Variants in GGN observed in about 807,000 individuals in gnomAD.
The protein encoded by GGN is gametogenetin.
Under a neutral mutation model 35.5 loss-of-function variants are expected in GGN, and 27 were observed. That is an observed-to-expected ratio of 0.76 (90% CI 0.56 to 1.05). The LOEUF (loss-of-function observed/expected upper bound fraction) is 1.05. Among genes scored for constraint, GGN ranks in the 50% least tolerant of loss-of-function variants. GGN has a pLI of 0.00. For synonymous variants in GGN, 425 were observed against 444.1 expected, an observed-to-expected ratio of 0.96 and a Z score of 0.54; for missense variants, 1,006 against 940.7, an observed-to-expected ratio of 1.07 and a Z score of -0.91.
In GGN at chr19:38,386,062, A is replaced by C; in HGVS notation, c.1200T>G (p.Ala400=). The change falls in exon 3 of 4, where the codon GCT becomes GCG. Residue 400 remains alanine (A), a synonymous_variant. Transcript: ENST00000334928. ...PPPPPEQIHS[A]PGPRRPAPAL... ...CAGGTGCGGGCCTCCGGGGCCCGGG[A>C]GCTGAGTGTATCTGCTCTGGTGGTG... The C allele has an allele frequency of 6.3e-7, 1 of 1,592,434 alleles. No individual in the cohort carries two copies. The highest frequency in any genetic ancestry group is 8.5e-7 in the Non-Finnish European group (1 of 1,170,762).
rs1568391009 is a variant in GGN, at chr19:38,386,036, G to T, written c.1226C>A (p.Ala409Asp). The T allele has an allele frequency of 2.5e-6, 4 of 1,602,328 alleles. No homozygotes were observed. In the South Asian group the frequency reaches 3.3e-5, roughly 13 times the overall value. Residue 409 changes from alanine to aspartate, a missense_variant, in exon 3 of 4, where the codon GCC becomes GAC. Physicochemically the swap from Ala to Asp is moderately radical, Grantham distance 126. Transcript: ENST00000334928. ...SAPGPRRPAP[A>D]LLAPPTFIFP... The stretch of plus-strand genomic sequence containing the variant: ...GATGAACGTAGGCGGCGCCAGCAGG[G>T]CAGGTGCGGGCCTCCGGGGCCCGGG...
At position 38,386,714 on chromosome 19, in the gene GGN, G is replaced by A; in HGVS notation, c.548C>T (p.Pro183Leu). ...PPPPLPSERQ[P>L]ADRRITPALA... ...AGCAGGAGTGATTCTGCGGTCCGCC[G>A]GCTGCCGTTCAGAAGGTAATGGTGG... is the stretch of plus-strand genomic sequence containing the variant. The change falls in exon 3 of 4, where the codon CCG (proline) becomes CTG (leucine). Residue 183 changes from proline to leucine, a missense_variant. By Grantham distance (98) the Pro-to-Leu change is moderately conservative. Transcript: ENST00000334928. 3.1e-6 allele frequency: 5 copies of A among 1,606,774 alleles called. No individual in the cohort carries two copies. Among genetic ancestry groups the A allele is most frequent in the Non-Finnish European group, 4.3e-6 (5 of 1,175,398 alleles).
At position 38,385,777 on chromosome 19, in the gene GGN, G is replaced by T; in HGVS notation, c.1485C>A (p.Ala495=). Residue 495 remains alanine (A), a synonymous_variant, in exon 3 of 4, where the codon GCC becomes GCA. Coordinates refer to ENST00000334928, the MANE Select transcript of GGN (RefSeq NM_152657.4). The part of the protein sequence containing the change: ...PPALAADQAP[A]PSPAPAPTVA... ...CGGTGGGAGCTGGAGCCGGGGATGG[G>T]GCCGGGGCCTGGTCGGCGGCTAAGG... 1 of 1,568,398 alleles carries T rather than the reference G, an allele frequency of 6.4e-7. No individual in the cohort carries two copies.
At chr19:38,388,340 G>A, upstream of GGN, 2 of 395,374 alleles carry the variant, frequency 5.1e-6, no homozygotes, top group Non-Finnish European at 8.9e-6. Flanking sequence ...CTTATACCCA[G>A]GCCCTCCAAC....
At chr19:38,384,673 G>A (rs1172557613) in intron 3 of GGN, 144 bp from the exon 4 acceptor site, 1 of 631,832 alleles carries the variant, frequency 1.6e-6, no homozygotes, top group East Asian at 2.8e-5. Context: ...GCAGGGCTGT[G>A]GCCACTTAAT....
chr19:38,387,313 C>G lies in GGN; in HGVS notation c.-19-33G>C. On this transcript the variant is annotated intron_variant, in intron 2 of 3. Coordinates refer to ENST00000334928, the MANE Select transcript of GGN (RefSeq NM_152657.4). This position sits in a 1 kb window ranked among gnomAD's most constrained non-coding sequence, Gnocchi z 5.3. ...GAAAAATTTACTCCAGTCAGCCTGC[C>G]AGGGCCGTGGGGACCCTACGAGGCT... The G allele has an allele frequency of 4.0e-6, 6 of 1,517,340 alleles. No homozygotes were observed. The highest frequency in any genetic ancestry group is 4.4e-6 in the Non-Finnish European group (5 of 1,135,486). 94.0% of individuals were successfully genotyped at this position (1,517,340 alleles called of 1,614,324 possible). A position where few individuals can be genotyped will look rare whatever the true frequency, so the allele number is the denominator to read the frequency against.
chr19:38,384,813 G>A (rs1970681702), intron 3 of GGN, among the ~76,000 whole-genome samples: 1 of 152,136 alleles, frequency 6.6e-6, no homozygotes, highest in Non-Finnish European at 1.5e-5. Context: ...ATTCAGTGTG[G>A]GTAGGGGGTG....
At position 38,386,996 on chromosome 19, in the gene GGN, T is replaced by TC; in HGVS notation, c.265dup (p.Glu89GlyfsTer22). The TC allele has an allele frequency of 6.5e-7, 1 of 1,537,612 alleles. No individual in the cohort carries two copies. The highest frequency in any genetic ancestry group is 8.8e-7 in the Non-Finnish European group (1 of 1,141,848). ...GGGTGGTGCAGAGACCGCGGCCGCC[T>TC]CTTCAGGAGGGGGCATCACTGGAGA... On this transcript the variant is annotated frameshift_variant, in exon 3 of 4. Coordinates refer to ENST00000334928, the MANE Select transcript of GGN (RefSeq NM_152657.4). LOFTEE classifies it high-confidence loss of function.
rs749529194 is a variant in GGN at position 38,386,670 on chromosome 19, G to A, written c.592C>T (p.Pro198Ser). The change falls in exon 3 of 4, where the codon CCC (proline) becomes TCC (serine). Residue 198 changes from proline (P) to serine (S), a missense_variant. Transcript: ENST00000334928. The part of the protein sequence containing the change: ...ITPALATPAS[P>S]PTESQAGPRN... ...GGCCCAGCCTGGCTTTCTGTCGGGG[G>A]TGAGGCGGGTGTGGCCAGAGCAGGA... 1.2e-5 allele frequency: 20 copies of A among 1,610,866 alleles called. No homozygotes were observed. Among genetic ancestry groups the A allele is most frequent in the Non-Finnish European group, 1.5e-5 (18 of 1,178,420 alleles).
rs767701724 is a variant in GGN, at chr19:38,386,986, C to T, written c.276G>A (p.Ala92=). Residue 92 remains alanine, a synonymous_variant, in exon 3 of 4, where the codon GCG becomes GCA. Transcript: ENST00000334928. ...CGGGGGCCGGGGGTGGTGCAGAGAC[C>T]GCGGCCGCCTCTTCAGGAGGGGGCA... The part of the protein sequence containing the change: ...PVMPPPEEAA[A]VSAPPPAPAG... 6.5e-7 allele frequency: 1 copy of T among 1,536,148 alleles called. No homozygotes were observed. The highest frequency in any genetic ancestry group is 8.8e-7 in the Non-Finnish European group (1 of 1,141,152).
rs1171357726 is a variant in GGN, at chr19:38,385,908, G to A, written c.1354C>T (p.Pro452Ser). 3.8e-6 allele frequency: 6 copies of A among 1,565,756 alleles called. No individual in the cohort carries two copies. The highest frequency in any genetic ancestry group is 5.2e-6 in the Non-Finnish European group (6 of 1,157,506). The change falls in exon 3 of 4, where the codon CCA (proline) becomes TCA (serine). Residue 452 changes from proline to serine, a missense_variant. Coordinates refer to ENST00000334928, the MANE Select transcript of GGN (RefSeq NM_152657.4). ...GGCAGCGGCGTTGGCTGGAGCGCTG[G>A]TGGCTGCAGTGTGGGCGGCGGTGTG... ...PPTPPPTLQP[P>S]ALQPTPLPVA...
In GGN at chr19:38,385,650, T is replaced by TCGCGCCCCGGGC. The variant is rs1568390392; in HGVS notation, c.1600_1611dup (p.Ala534_Ala537dup). ...TCTCCATGCAAGCCATCCTTACGGGTCGCGCCCCGGGCTGCACGGGAACCC... is the reference window on the plus strand; with the variant it reads ...TCTCCATGCAAGCCATCCTTACGGGTCGCGCCCCGGGCCGCGCCCCGGGCTGCACGGGAACCC... On this transcript the variant is annotated inframe_insertion, in exon 3 of 4. Coordinates refer to ENST00000334928, the MANE Select transcript of GGN (RefSeq NM_152657.4). The TCGCGCCCCGGGC allele has an allele frequency of 6.2e-7, 1 of 1,613,914 alleles. No individual in the cohort carries two copies. Among genetic ancestry groups the TCGCGCCCCGGGC allele is most frequent in the Non-Finnish European group, 8.5e-7 (1 of 1,179,978 alleles).
Position 38,385,877 on chromosome 19 carries a change from G to A in GGN, c.1385C>T (p.Ala462Val), listed in dbSNP as rs1303276929. The A allele has an allele frequency of 6.5e-7, 1 of 1,548,386 alleles. No individual in the cohort carries two copies. Among genetic ancestry groups the A allele is most frequent in the Non-Finnish European group, 8.7e-7 (1 of 1,149,518 alleles). The change falls in exon 3 of 4, where the codon GCT (alanine) becomes GTT (valine). Residue 462 changes from alanine to valine, a missense_variant. Physicochemically the swap from Ala to Val is moderately conservative, Grantham distance 64. Coordinates refer to ENST00000334928, the MANE Select transcript of GGN (RefSeq NM_152657.4). ...GCCCAGACCCGGGGTGAGCGGGGGA[G>A]CCACCGGCAGCGGCGTTGGCTGGAG... ...PALQPTPLPV[A>V]PPLTPGLGHK...
At chr19:38,384,627 G>C in intron 3 of GGN, 98 bp from the exon 4 acceptor site, 1 of 873,532 alleles carries the variant, frequency 1.1e-6, no homozygotes, top group Non-Finnish European at 1.9e-6. Context: ...GGAAGCTTCT[G>C]AAGGCTATAT....
Position 38,387,336 on chromosome 19 carries a change from G to T in GGN, c.-19-56C>A, listed in dbSNP as rs1260232676. On this transcript the variant is annotated intron_variant, in intron 2 of 3. Coordinates refer to ENST00000334928, the MANE Select transcript of GGN (RefSeq NM_152657.4). This position sits in a 1 kb window ranked among gnomAD's most constrained non-coding sequence, Gnocchi z 5.3. Reference sequence around the variant, plus strand: ...GCCAGGGCCGTGGGGACCCTACGAGGCTGGCTGTACTTGATCTAATGCGTC... The same window carrying T: ...GCCAGGGCCGTGGGGACCCTACGAGTCTGGCTGTACTTGATCTAATGCGTC... The T allele has an allele frequency of 6.7e-7, 1 of 1,486,698 alleles. No homozygotes were observed. Among genetic ancestry groups the T allele is most frequent in the African/African-American group, 1.4e-5 (1 of 71,598 alleles). The allele number at this position is 1,486,698 out of a possible 1,614,324, so 92.1% of individuals were successfully genotyped here.
In GGN at chr19:38,387,248, T is replaced by G; in HGVS notation, c.14A>C (p.Gln5Pro). Residue 5 changes from glutamine to proline, a missense_variant, in exon 3 of 4, where the codon CAG becomes CCG. Transcript: ENST00000334928. This position sits in a 1 kb window ranked among gnomAD's most constrained non-coding sequence, Gnocchi z 5.3. The stretch of plus-strand genomic sequence containing the variant: ...GCCCCCGCCCGCGGATGGCTCCGAC[T>G]GCAAGTTCCCCATTTCTGACGGAGC... MGNLQSEPSAGGGSR... is the reference protein window; with the variant it reads MGNLPSEPSAGGGSR... 6.3e-7 allele frequency: 1 copy of G among 1,595,380 alleles called. No homozygotes were observed. Among genetic ancestry groups the G allele is most frequent in the Non-Finnish European group, 8.5e-7 (1 of 1,172,518 alleles).
chr19:38,386,264 G>T lies in GGN; in HGVS notation c.998C>A (p.Ala333Asp). Reference protein sequence around the residue: ...SGPPSAPASQARALPPPPYTT... With the variant: ...SGPPSAPASQDRALPPPPYTT... The stretch of plus-strand genomic sequence containing the variant: ...GTAGGGTGGCGGCGGTAGGGCCCGG[G>T]CTTGGGACGCAGGCGCCGAGGGAGG... Residue 333 changes from alanine to aspartate, a missense_variant, in exon 3 of 4, where the codon GCC (alanine) becomes GAC (aspartate). Ala to Asp is a moderately radical substitution (Grantham distance 126, BLOSUM62 -2). Coordinates refer to ENST00000334928, the MANE Select transcript of GGN (RefSeq NM_152657.4). 2 of 1,610,632 alleles carry T rather than the reference G, an allele frequency of 1.2e-6. No individual in the cohort carries two copies. The highest frequency in any genetic ancestry group is 8.5e-7 in the Non-Finnish European group (1 of 1,178,602).
Position 38,385,952 on chromosome 19 carries a change from A to T in GGN, c.1310T>A (p.Leu437Ter). ...MRPGPPGLQELPPLPPPTPPP... is the reference protein window; with the variant it reads ...MRPGPPGLQE ...CGGTGTGGGCGGTGGCAGCGGTGGT[A>T]ACTCCTGCAGGCCTGGAGGCCCCGG... is the stretch of plus-strand genomic sequence containing the variant. The change falls in exon 3 of 4, where the codon TTA becomes TAA. Residue 437 changes from leucine (L) to a stop codon, truncating the protein, a stop_gained. Coordinates refer to ENST00000334928, the MANE Select transcript of GGN (RefSeq NM_152657.4). LOFTEE classifies it high-confidence loss of function. The T allele has an allele frequency of 6.3e-7, 1 of 1,598,908 alleles. No homozygotes were observed. The highest frequency in any genetic ancestry group is 8.5e-7 in the Non-Finnish European group (1 of 1,173,534).
At chr19:38,384,867 G>C (rs532443892) in intron 3 of GGN, among the ~76,000 whole-genome samples, 1 of 152,260 alleles carries the variant, frequency 6.6e-6, no homozygotes, top group African/African-American at 2.4e-5. Flanking sequence ...CTCAGGAGGA[G>C]CCTCCCCAGC....
Sources: gnomAD v4.1 joint callset for allele counts (sites outside exome capture counted in the v4.1 genomes callset) on GRCh38, gnomAD v4.1.1 for gene constraint, Gnocchi (gnomAD v3.1) non-coding constraint, MANE v1.5 for transcripts, NCBI Gene and HGNC (gene_info 2026-07-23, HGNC 2026-07-21) for gene names.